The following STARD13 variants were observed in gnomAD, a reference collection of about 807,000 sequenced individuals.
STARD13 encodes stAR-related lipid transfer protein 13.
A neutral mutation model predicts 106.4 loss-of-function variants in STARD13; 62 were observed. The observed-to-expected ratio is 0.58, with a 90% CI of 0.48 to 0.72. The LOEUF (loss-of-function observed/expected upper bound fraction) is 0.72. STARD13 is among the 30% of genes least tolerant of loss of function. STARD13 has a pLI of 0.00. For synonymous variants in STARD13, 565 were observed against 553.0 expected (o/e 1.02, Z -0.31); for missense variants, 1,387 against 1,424.0 (o/e 0.97, Z 0.42).
chr13:33,573,429 A>G, the STARD13 span, among the ~76,000 whole-genome samples: 1 of 152,172 alleles, frequency 6.6e-6, no homozygotes, highest in African/African-American at 2.4e-5. Flanking sequence ...ATATGAAAGT[A>G]TTTATTCCAT....
chr13:33,664,071 T>C, the STARD13 span, among the ~76,000 whole-genome samples: 282 of 152,270 alleles, frequency 1.9e-3, 2 homozygotes, highest in Non-Finnish European at 3.3e-3. Context: ...CTTAGTCCCA[T>C]CAGAGATAAA....
At chr13:33,354,791 A>G (rs557655489), upstream of STARD13, among the ~76,000 whole-genome samples, 1 of 151,968 alleles carries the variant, frequency 6.6e-6, no homozygotes, top group Admixed American at 6.5e-5. Flanking sequence ...ACTGATAATT[A>G]TAGTTTTTTA....
intron 1 of STARD13, among the ~76,000 whole-genome samples, chr13:33,259,655 G>A (rs756230005): frequency 6.6e-6 from 1 of 152,132 alleles, no homozygotes; most frequent in Non-Finnish European, 1.5e-5. Context: ...TTGGGCCTAG[G>A]AAATCGCCAA....
chr13:33,668,170 A>C, the STARD13 span, among the ~76,000 whole-genome samples: 3 of 152,192 alleles, frequency 2.0e-5, no homozygotes, highest in African/African-American at 7.2e-5. Context: ...AAACTGTTCT[A>C]AATTTAATTC....
At chr13:33,200,150 G>T (rs1476246004) in intron 1 of STARD13, among the ~76,000 whole-genome samples, 2 of 152,208 alleles carry the variant, frequency 1.3e-5, no homozygotes, top group South Asian at 2.1e-4. Flanking sequence ...AACCAAACAC[G>T]CTGCCTTCTA....
At chr13:33,167,981 T>A (rs1594024393) in intron 1 of STARD13, among the ~76,000 whole-genome samples, 2 of 8,256 alleles carry the variant, frequency 2.4e-4, no homozygotes, top group Non-Finnish European at 4.1e-4. Flanking sequence ...TTTACAATTC[T>A]TTTTTTTTTT....
At chr13:33,544,829 A>G in the STARD13 span, among the ~76,000 whole-genome samples, 1 of 137,258 alleles carries the variant, frequency 7.3e-6, no homozygotes, top group Non-Finnish European at 1.5e-5. Flanking sequence ...GCTGGAGTGC[A>G]GTGGCCAGAT....
the STARD13 span, among the ~76,000 whole-genome samples, chr13:33,394,218 T>C: frequency 1.3e-5 from 2 of 151,500 alleles, no homozygotes; most frequent in African/African-American, 4.8e-5. Flanking sequence ...TTTTTTTTTT[T>C]CTATCAACTA....
chr13:33,651,984 T>C, the STARD13 span, among the ~76,000 whole-genome samples: 2 of 152,230 alleles, frequency 1.3e-5, no homozygotes, highest in East Asian at 1.9e-4. Flanking sequence ...TGAATGACAG[T>C]GTCATGTTGA....
At chr13:33,187,289 C>T (rs1176542555) in intron 1 of STARD13, among the ~76,000 whole-genome samples, 2 of 152,170 alleles carry the variant, frequency 1.3e-5, no homozygotes, top group Admixed American at 1.3e-4. Context: ...GAACTGCCCA[C>T]TTTTGATTTT....
chr13:33,415,329 C>T, the STARD13 span, among the ~76,000 whole-genome samples: 7 of 152,160 alleles, frequency 4.6e-5, no homozygotes, highest in Admixed American at 6.5e-5. Flanking sequence ...GATTGCGCCA[C>T]TGCACTCCAG....
chr13:33,202,840 G>A (rs1466334594), intron 1 of STARD13, among the ~76,000 whole-genome samples: 1 of 152,122 alleles, frequency 6.6e-6, no homozygotes, highest in Non-Finnish European at 1.5e-5. Flanking sequence ...GGAGGGACAC[G>A]GGTGGCAAAA....
At chr13:33,375,496 A>T in the STARD13 span, among the ~76,000 whole-genome samples, 2 of 152,174 alleles carry the variant, frequency 1.3e-5, no homozygotes, top group African/African-American at 2.4e-5. Flanking sequence ...TGGGTAGTTT[A>T]TAAAGGCAAG....
At chr13:33,507,354 TA>T in the STARD13 span, among the ~76,000 whole-genome samples, 3 of 152,184 alleles carry the variant, frequency 2.0e-5, no homozygotes, top group Non-Finnish European at 4.4e-5. Flanking sequence ...TTCACTAAAA[TA>T]TTCTAATTAC....
the STARD13 span, among the ~76,000 whole-genome samples, chr13:33,542,588 C>T: frequency 1.6e-4 from 24 of 152,242 alleles, no homozygotes; most frequent in African/African-American, 5.8e-4. Context: ...AGACGAGGCG[C>T]GCGCACCAGC....
the STARD13 span, among the ~76,000 whole-genome samples, chr13:33,650,997 T>C: frequency 1.4e-4 from 22 of 152,276 alleles, no homozygotes; most frequent in African/African-American, 4.8e-4. Context: ...CTGTTTTTTC[T>C]AAACTACCCA....
intron 3 of STARD13, among the ~76,000 whole-genome samples, chr13:33,159,188 G>C (rs1317207865): frequency 6.6e-6 from 1 of 152,078 alleles, no homozygotes; most frequent in Non-Finnish European, 1.5e-5. Context: ...GACGAATCCT[G>C]CTACGGGCTA....
chr13:33,165,319 A>C lies in STARD13; in HGVS notation c.323+18T>G. On this transcript the variant is annotated intron_variant, in intron 3 of 13. Transcript: ENST00000336934. ...GACTGAACAGTGGAAAGAAACAAAAATACTTCACATGGTTTACCTGCAAAG... is the reference window on the plus strand; with the variant it reads ...GACTGAACAGTGGAAAGAAACAAAACTACTTCACATGGTTTACCTGCAAAG... 1.3e-6 allele frequency: 2 copies of C among 1,594,466 alleles called. No individual in the cohort carries two copies. The highest frequency in any genetic ancestry group is 1.7e-6 in the Non-Finnish European group (2 of 1,162,254).
At chr13:33,485,159 A>C in the STARD13 span, among the ~76,000 whole-genome samples, 3 of 152,208 alleles carry the variant, frequency 2.0e-5, no homozygotes, top group Non-Finnish European at 2.9e-5. Context: ...AAATGCAATT[A>C]GTGGAAATGC....
Sources: allele counts gnomAD v4.1 joint callset (sites outside exome capture counted in the v4.1 genomes callset), GRCh38; gene constraint gnomAD v4.1.1; transcripts MANE v1.5; gene names NCBI Gene and HGNC (gene_info 2026-07-23, HGNC 2026-07-21).